The following DNAH2 variants were observed in gnomAD, a reference collection of about 807,000 sequenced individuals.
DNAH2 encodes dynein axonemal heavy chain 2.
Under a neutral mutation model 523.5 loss-of-function variants are expected in DNAH2, and 323 were observed. The ratio of observed to expected loss-of-function variants is 0.62; its 90% CI spans 0.56 to 0.68. The LOEUF (loss-of-function observed/expected upper bound fraction) is 0.68. DNAH2 is among the 30% of genes least tolerant of loss of function. The pLI, the probability that DNAH2 is intolerant of heterozygous loss-of-function variation, is 0.00. For missense variants in DNAH2, 4,907 were observed against 5,701.5 expected (o/e 0.86, Z 4.49); for synonymous variants, 2,093 against 2,177.4 (o/e 0.96, Z 1.08).
chr17:7,722,560 C>G (rs918826627), intron 2 of DNAH2, among the ~76,000 whole-genome samples: 1 of 152,082 alleles, frequency 6.6e-6, no homozygotes, highest in African/African-American at 2.4e-5. Context: ...TCCTGATTCC[C>G]CCTTCCCCCG....
rs187149776 is a variant in DNAH2, at chr17:7,807,555, C to G, written c.9698C>G (p.Ala3233Gly). ...ALAQLREKQA[A>G]LAEAQEKLRE... ...GCTCAGCTTCGGGAGAAGCAAGCCG[C>G]GCTCGCTGAGGCCCAGGAGAAGCTG... Residue 3233 changes from alanine (A) to glycine (G), a missense_variant, in exon 63 of 86, where the codon GCG becomes GGG. Coordinates refer to ENST00000572933, the MANE Select transcript of DNAH2 (RefSeq NM_020877.5). The surrounding 1 kb of genome is among the most constrained non-coding windows in gnomAD (Gnocchi z 5.6). 2 of 1,612,498 alleles carry G rather than the reference C, an allele frequency of 1.2e-6. No individual in the cohort carries two copies. The highest frequency in any genetic ancestry group is 1.7e-6 in the Non-Finnish European group (2 of 1,179,982).
At chr17:7,774,426 A>G (rs2076395272) in intron 28 of DNAH2, among the ~76,000 whole-genome samples, 1 of 152,166 alleles carries the variant, frequency 6.6e-6, no homozygotes. Flanking sequence ...TCCATTCAGT[A>G]TTTTCGGACC....
chr17:7,822,442 C>T (rs1345097819), intron 73 of DNAH2, among the ~76,000 whole-genome samples: 2 of 152,172 alleles, frequency 1.3e-5, no homozygotes, highest in Non-Finnish European at 2.9e-5. Context: ...CTGCTGGAAG[C>T]CTACTCCCCG....
chr17:7,735,796 A>C (rs1173834907), intron 7 of DNAH2, among the ~76,000 whole-genome samples: 1 of 151,720 alleles, frequency 6.6e-6, no homozygotes, highest in African/African-American at 2.4e-5. Flanking sequence ...TCTGTCGACC[A>C]GGCTGGAGTG....
At chr17:7,778,712 G>A (rs554941330) in intron 35 of DNAH2, among the ~76,000 whole-genome samples, 9 of 152,260 alleles carry the variant, frequency 5.9e-5, no homozygotes, top group African/African-American at 2.2e-4. Context: ...GGGATTACAG[G>A]CGTGTGACAC....
chr17:7,762,764 A>G (rs532334998), intron 18 of DNAH2, among the ~76,000 whole-genome samples: 122 of 152,334 alleles, frequency 8.0e-4, no homozygotes, highest in Middle Eastern at 6.8e-3. Flanking sequence ...GAGATCTGCA[A>G]CATAGGCACA....
Position 7,832,583 on chromosome 17 carries a change from A to T in DNAH2, c.12731A>T (p.Tyr4244Phe). Residue 4244 changes from tyrosine to phenylalanine, a missense_variant, in exon 83 of 86, where the codon TAC becomes TTC. Physicochemically the swap from Tyr to Phe is conservative, Grantham distance 22. Coordinates refer to ENST00000572933, the MANE Select transcript of DNAH2 (RefSeq NM_020877.5). The surrounding 1 kb of genome is among the most constrained non-coding windows in gnomAD (Gnocchi z 4.3). ...ACACACGCACTCCTTCCCCAGGCAT[A>T]CCCCTCACAAAAGCCATTGGCTGCC... ...AHVPPLWGKAYPSQKPLAAWT... is the reference protein window; with the variant it reads ...AHVPPLWGKAFPSQKPLAAWT... 6.2e-7 allele frequency: 1 copy of T among 1,613,764 alleles called. No homozygotes were observed. Among genetic ancestry groups the T allele is most frequent in the East Asian group, 2.2e-5 (1 of 44,868 alleles).
chr17:7,771,812 G>A (rs2076324525), intron 28 of DNAH2, among the ~76,000 whole-genome samples: 2 of 152,126 alleles, frequency 1.3e-5, no homozygotes, highest in Middle Eastern at 3.4e-3. Context: ...TGCCTCCCGG[G>A]TTCAAATGAT....
Position 7,816,668 on chromosome 17 carries a change from T to A in DNAH2, c.9827T>A (p.Leu3276Gln). ...AAGTCTGAAGAGATGGAGCTGAAGC[T>A]GGAGCGAGCTGGGATGCTCGTGTCG... ...RKKSEEMELKLERAGMLVSGL... is the reference protein window; with the variant it reads ...RKKSEEMELKQERAGMLVSGL... Residue 3276 changes from leucine (L) to glutamine (Q), a missense_variant, in exon 64 of 86, where the codon CTG becomes CAG. Physicochemically the swap from Leu to Gln is moderately radical, Grantham distance 113. Coordinates refer to ENST00000572933, the MANE Select transcript of DNAH2 (RefSeq NM_020877.5). 1 of 1,614,234 alleles carries A rather than the reference T, an allele frequency of 6.2e-7. No individual in the cohort carries two copies. The highest frequency in any genetic ancestry group is 8.5e-7 in the Non-Finnish European group (1 of 1,180,044).
At position 7,743,096 on chromosome 17, in the gene DNAH2, C is replaced by T. The variant is rs771712207; in HGVS notation, c.1858C>T (p.Arg620Ter). Reference sequence around the variant, plus strand: ...TCGGCGGTTGGATACCCCATTGCTGCGAATCAGCCAGGAGAAGGCGGGCAT... The same window carrying T: ...TCGGCGGTTGGATACCCCATTGCTGTGAATCAGCCAGGAGAAGGCGGGCAT... ...CIRRLDTPLL[R>*]ISQEKAGMLD... Residue 620 changes from arginine (R) to a stop codon, truncating the protein, a stop_gained, in exon 12 of 86, where the codon CGA becomes TGA. Transcript: ENST00000572933. LOFTEE classifies it high-confidence loss of function. 7 of 1,560,134 alleles carry T rather than the reference C, an allele frequency of 4.5e-6. No homozygotes were observed. Among genetic ancestry groups the T allele is most frequent in the African/African-American group, 1.4e-5 (1 of 72,542 alleles).
At chr17:7,743,491 C>A in intron 12 of DNAH2, 1 of 638,386 alleles carries the variant, frequency 1.6e-6, no homozygotes, top group Non-Finnish European at 2.8e-6. Flanking sequence ...CATGGCAAAA[C>A]CCAGTCTCTG....
chr17:7,784,314 G>T (rs2076678355), intron 39 of DNAH2, among the ~76,000 whole-genome samples: 2 of 152,096 alleles, frequency 1.3e-5, no homozygotes, highest in African/African-American at 4.8e-5. Flanking sequence ...TAAAAATCAG[G>T]ATATAGAAGA....
chr17:7,741,232 C>CTTTCTTTCTT (rs1555540599), intron 11 of DNAH2, among the ~76,000 whole-genome samples: 1 of 119,338 alleles, frequency 8.4e-6, no homozygotes, highest in African/African-American at 3.1e-5. Context: ...TTTTTTTTCT[C>CTTTCTTTCTT]TCTCTCTTTC....
chr17:7,829,816 C>T (rs1382812123), intron 77 of DNAH2, among the ~76,000 whole-genome samples: 3 of 151,388 alleles, frequency 2.0e-5, no homozygotes, highest in Non-Finnish European at 4.4e-5. Context: ...CTTGAGGTCA[C>T]GAGTTTGAGA....
At chr17:7,758,725 T>C (rs79937582) in intron 14 of DNAH2, 74 bp downstream of exon 14, 51,279 of 1,566,602 alleles carry the variant, frequency 0.033, 1,904 homozygotes, top group Admixed American at 0.17. Context: ...TGCATAGAGA[T>C]TGGGAAACCT....
chr17:7,722,843 T>G (rs2074659764), intron 2 of DNAH2, among the ~76,000 whole-genome samples: 1 of 152,158 alleles, frequency 6.6e-6, no homozygotes, highest in African/African-American at 2.4e-5. Flanking sequence ...CTGCTACGAA[T>G]GCTGTAATGC....
chr17:7,761,064 C>T, intron 18 of DNAH2, 132 bp downstream of exon 18: 2 of 1,157,328 alleles, frequency 1.7e-6, no homozygotes, highest in African/African-American at 1.5e-5. Flanking sequence ...AGGAAAAGAA[C>T]AGGACCTAGG....
chr17:7,779,911 C>G (rs1380511706), intron 36 of DNAH2, among the ~76,000 whole-genome samples: 1 of 152,098 alleles, frequency 6.6e-6, no homozygotes, highest in Non-Finnish European at 1.5e-5. Context: ...AAATTGACAG[C>G]TCTGTGATTT....
At chr17:7,724,781 C>T (rs149433454) in intron 3 of DNAH2, among the ~76,000 whole-genome samples, 42 of 120,002 alleles carry the variant, frequency 3.5e-4, no homozygotes, top group Non-Finnish European at 5.5e-4. Flanking sequence ...TTGCTTCCGT[C>T]GAGCAGGCTG....
Sources: gnomAD v4.1 joint callset for allele counts (sites outside exome capture counted in the v4.1 genomes callset) on GRCh38, gnomAD v4.1.1 for gene constraint, Gnocchi (gnomAD v3.1) non-coding constraint, MANE v1.5 for transcripts, NCBI Gene and HGNC (gene_info 2026-07-23, HGNC 2026-07-21) for gene names.